ADAMTS7: variants seen among roughly 807,000 people sequenced by gnomAD.
ADAMTS7 encodes the protein ADAM metallopeptidase with thrombospondin type 1 motif 7.
ADAMTS7 carries 89 observed loss-of-function variants against 172.6 expected under a neutral mutation model. The observed-to-expected ratio is 0.52, with a 90% CI of 0.43 to 0.61. The LOEUF is 0.61. ADAMTS7 is among the 20% of genes least tolerant of loss of function. The pLI, the probability that ADAMTS7 is intolerant of heterozygous loss-of-function variation, is 0.00. For missense variants in ADAMTS7, 1,973 were observed against 2,355.6 expected (o/e 0.84, Z 3.36); for synonymous variants, 885 against 978.4 (o/e 0.90, Z 1.78).
chr15:78,763,607 C>T, intron 22 of ADAMTS7, 92 bp downstream of exon 22: 3 of 1,434,576 alleles, frequency 2.1e-6, no homozygotes, highest in Non-Finnish European at 2.7e-6. Flanking sequence ...GCCTGGCTCA[C>T]AGCACACACT....
At position 78,765,635 on chromosome 15, in the gene ADAMTS7, C is replaced by T. The variant is rs762113092; in HGVS notation, c.4266+10G>A. ...GCAAACTCCCTGCCCGCCCAGCCCA[C>T]ACCACTTGCCTCGCTCCAGTTTCCC... On this transcript the variant is annotated intron_variant, in intron 19 of 23. Transcript: ENST00000388820. 14 of 1,605,874 alleles carry T rather than the reference C, an allele frequency of 8.7e-6. No homozygotes were observed. In the South Asian group the frequency reaches 1.5e-4, roughly 18 times the overall value.
Position 78,790,547 on chromosome 15 carries a change from C to A in ADAMTS7, c.1028+123G>T, listed in dbSNP as rs79808443. On this transcript the variant is annotated intron_variant, in intron 6 of 23. Transcript: ENST00000388820. ...AGAATCCAGCCTTGGGCCAAAGGTGCGCAAACTCTCCTCAAAATTGGGCTC... is the reference window on the plus strand; with the variant it reads ...AGAATCCAGCCTTGGGCCAAAGGTGAGCAAACTCTCCTCAAAATTGGGCTC... The A allele has an allele frequency of 9.0e-3, 11,916 of 1,330,040 alleles. 519 individuals are homozygous for A. The East Asian group carries it at 0.14, about 16-fold the overall frequency. 82.4% of individuals were successfully genotyped at this position (1,330,040 alleles called of 1,614,324 possible).
At chr15:78,765,093 C>T (rs570368302) in intron 19 of ADAMTS7, 6 of 224,208 alleles carry the variant, frequency 2.7e-5, no homozygotes, top group South Asian at 2.4e-4. Flanking sequence ...GGTATCCCTG[C>T]GCAAAACAAG....
chr15:78,803,910 T>C (rs1181292914), intron 1 of ADAMTS7, among the ~76,000 whole-genome samples: 1 of 152,284 alleles, frequency 6.6e-6, no homozygotes, highest in East Asian at 1.9e-4. Context: ...AGGGAAATGC[T>C]AAATTTCGTT....
At chr15:78,760,071 T>A (rs59252446) in intron 23 of ADAMTS7, among the ~76,000 whole-genome samples, 5,480 of 149,850 alleles carry the variant, frequency 0.037, 167 homozygotes, top group African/African-American at 0.069. Flanking sequence ...GGGGCTGTAC[T>A]CAGCCTCGGG....
At position 78,776,231 on chromosome 15, in the gene ADAMTS7, C is replaced by T. The variant is rs776844075; in HGVS notation, c.1663G>A (p.Gly555Ser). The T allele has an allele frequency of 1.6e-5, 26 of 1,611,520 alleles. No homozygotes were observed. Among genetic ancestry groups the T allele is most frequent in the African/African-American group, 2.7e-5 (2 of 74,884 alleles). Residue 555 changes from glycine (G) to serine (S), a missense_variant, in exon 11 of 24, where the codon GGC (glycine) becomes AGC (serine). Coordinates refer to ENST00000388820, the MANE Select transcript of ADAMTS7 (RefSeq NM_014272.5). ...CGCTCGGCGCTCTGTACGCCCATGC[C>T]ACAGCTCCGTGAGCAGATGGACCAG... Reference protein sequence around the residue: ...SAWSICSRSCGMGVQSAERQC... With the variant: ...SAWSICSRSCSMGVQSAERQC...
At chr15:78,764,528 G>A (rs749890733) in intron 20 of ADAMTS7, 27 bp downstream of exon 20, 3 of 1,530,392 alleles carry the variant, frequency 2.0e-6, no homozygotes. Context: ...CCCTGGGAAT[G>A]CCTGTCCTGG....
At chr15:78,763,612 C>T in intron 22 of ADAMTS7, 87 bp downstream of exon 22, 1 of 1,446,240 alleles carries the variant, frequency 6.9e-7, no homozygotes, top group Non-Finnish European at 9.1e-7. Context: ...GCTCACAGCA[C>T]ACACTCCACA....
intron 4 of ADAMTS7, among the ~76,000 whole-genome samples, chr15:78,794,721 G>T (rs1191149524): frequency 6.6e-6 from 1 of 151,990 alleles, no homozygotes. Context: ...TTTTGTTTTT[G>T]TTTTTGTTTT....
chr15:78,771,995 G>T lies in ADAMTS7; in HGVS notation c.2132-166C>A, dbSNP rs1316001490. On this transcript the variant is annotated intron_variant, in intron 14 of 23. Coordinates refer to ENST00000388820, the MANE Select transcript of ADAMTS7 (RefSeq NM_014272.5). The surrounding 1 kb of genome is among the most constrained non-coding windows in gnomAD (Gnocchi z 4.9). ...ATCTGTCATGGGTCACCAAAACCTC[G>T]CAGAGGTGCCACAAATCCTGACCCC... is the stretch of plus-strand genomic sequence containing the variant. 6.6e-6 allele frequency among the ~76,000 whole-genome samples: 1 copy of T among 152,118 alleles called. No individual in the cohort carries two copies. Among genetic ancestry groups the T allele is most frequent in the East Asian group, 1.9e-4 (1 of 5,186 alleles).
At chr15:78,782,897 T>C (rs1250599402) in intron 8 of ADAMTS7, among the ~76,000 whole-genome samples, 38 of 151,996 alleles carry the variant, frequency 2.5e-4, no homozygotes, top group Admixed American at 2.2e-3. Flanking sequence ...GGGCCGGGGA[T>C]CACTCCCTGG....
In ADAMTS7 at chr15:78,774,230, G is replaced by C. The variant is rs375583815; in HGVS notation, c.1947C>G (p.Val649=). Residue 649 remains valine (V), a synonymous_variant, in exon 13 of 24, where the codon GTC becomes GTG. Coordinates refer to ENST00000388820, the MANE Select transcript of ADAMTS7 (RefSeq NM_014272.5). ...GGACCTGGTAGCAGGGGGTGCCATC[G>C]ACCACGGCGTCCCGCAGCTTCTCGG... ...YFAEKLRDAV[V]DGTPCYQVRA... 3 of 1,587,000 alleles carry C rather than the reference G, an allele frequency of 1.9e-6. No individual in the cohort carries two copies. The highest frequency in any genetic ancestry group is 1.7e-5 in the Admixed American group (1 of 58,532).
chr15:78,781,570 C>T (rs1451236104), intron 8 of ADAMTS7, among the ~76,000 whole-genome samples: 1 of 152,164 alleles, frequency 6.6e-6, no homozygotes, highest in African/African-American at 2.4e-5. Context: ...CCCCAGGCCC[C>T]GAGCCAAGTC....
At chr15:78,762,178 G>A (rs1027725170) in intron 23 of ADAMTS7, 1 of 815,848 alleles carries the variant, frequency 1.2e-6, no homozygotes. Flanking sequence ...GCTGCCTATG[G>A]GATGTTGTGT....
At chr15:78,785,325 G>C (rs2055486863) in intron 8 of ADAMTS7, among the ~76,000 whole-genome samples, 3 of 152,080 alleles carry the variant, frequency 2.0e-5, no homozygotes, top group Non-Finnish European at 4.4e-5. Context: ...CCAAGGTGGT[G>C]AATCACTTGA....
In ADAMTS7 at chr15:78,771,326, A is replaced by G. The variant is rs555304679; in HGVS notation, c.2377-23T>C. Reference sequence around the variant, plus strand: ...CAGCTGGGTGGGCAGGCGGGGGCCCATGAGCACAAGGTGTCTTCTCCATCC... The same window carrying G: ...CAGCTGGGTGGGCAGGCGGGGGCCCGTGAGCACAAGGTGTCTTCTCCATCC... On this transcript the variant is annotated intron_variant, in intron 15 of 23. Coordinates refer to ENST00000388820, the MANE Select transcript of ADAMTS7 (RefSeq NM_014272.5). The surrounding 1 kb of genome is among the most constrained non-coding windows in gnomAD (Gnocchi z 4.9). 1.7e-4 allele frequency: 266 copies of G among 1,611,770 alleles called. No individual in the cohort carries two copies. The Admixed American group carries it at 4.4e-3, about 26-fold the overall frequency.
chr15:78,773,241 G>A lies in ADAMTS7; in HGVS notation c.2011-38C>T, dbSNP rs28406761. 0.013 allele frequency: 18,647 copies of A among 1,386,158 alleles called. 2,264 individuals are homozygous for A. The African/African-American group carries it at 0.24, about 18-fold the overall frequency. The allele number at this position is 1,386,158 out of a possible 1,614,324, so 85.9% of individuals were successfully genotyped here. ...AGGAAGGGAGGGCCCTGGTGCTGGC[G>A]GCCAGCCCTCTGTGGCCCCAGCCCC... is the stretch of plus-strand genomic sequence containing the variant. On this transcript the variant is annotated intron_variant, in intron 13 of 23. Transcript: ENST00000388820.
At chr15:78,789,552 C>T in intron 7 of ADAMTS7, 137 bp downstream of exon 7, 1 of 1,232,754 alleles carries the variant, frequency 8.1e-7, no homozygotes, top group Non-Finnish European at 1.1e-6. Context: ...AGGGGCAGCA[C>T]ATGGCCAGTC....
At position 78,796,591 on chromosome 15, in the gene ADAMTS7, A is replaced by G; in HGVS notation, c.818T>C (p.Met273Thr). Residue 273 changes from methionine to threonine, a missense_variant and splice_region_variant, in exon 4 of 24, where the codon ATG becomes ACG. Coordinates refer to ENST00000388820, the MANE Select transcript of ADAMTS7 (RefSeq NM_014272.5). ...VESYVLTIMN[M>T]VAGLFHDPSI... ...CGCTCCTGGCCCACACAGACTCACC[A>G]TGTTCATGATGGTCAGCACATAGCT... 1 of 1,581,800 alleles carries G rather than the reference A, an allele frequency of 6.3e-7. No individual in the cohort carries two copies. The highest frequency in any genetic ancestry group is 8.6e-7 in the Non-Finnish European group (1 of 1,161,984).
Sources: gnomAD v4.1 joint callset for allele counts (sites outside exome capture counted in the v4.1 genomes callset) on GRCh38, gnomAD v4.1.1 for gene constraint, Gnocchi (gnomAD v3.1) non-coding constraint, MANE v1.5 for transcripts, NCBI Gene and HGNC (gene_info 2026-07-23, HGNC 2026-07-21) for gene names.